The following CAPZA1 variants were observed in gnomAD, a reference collection of about 807,000 sequenced individuals.
CAPZA1 encodes F-actin-capping protein subunit alpha-1.
Under a neutral mutation model 40.8 loss-of-function variants are expected in CAPZA1, and 10 were observed. The observed-to-expected ratio is 0.25, with a 90% CI of 0.15 to 0.42. CAPZA1 has a LOEUF of 0.42. Among genes scored for constraint, CAPZA1 ranks in the 10% least tolerant of loss-of-function variants. CAPZA1 has a pLI of 1.00. For synonymous variants in CAPZA1, 98 were observed against 115.0 expected (o/e 0.85, Z 0.95); for missense variants, 277 against 353.8 (o/e 0.78, Z 1.74).
intron 7 of CAPZA1, 184 bp from the exon 8 acceptor site, chr1:112,666,884 TCTTAAA>T (rs1000568032): frequency 9.3e-6 from 5 of 539,060 alleles, no homozygotes; most frequent in East Asian, 6.1e-5. Flanking sequence ...GAAAAAGCGT[TCTTAAA>T]CTTAAGTGTT....
intron 1 of CAPZA1, among the ~76,000 whole-genome samples, chr1:112,630,543 C>T (rs537056391): frequency 6.6e-6 from 1 of 152,124 alleles, no homozygotes; most frequent in African/African-American, 2.4e-5. Flanking sequence ...CGGGGTTTCA[C>T]CATCTTGGCC....
chr1:112,622,297 G>A (rs1451708193), intron 1 of CAPZA1, among the ~76,000 whole-genome samples: 1 of 151,990 alleles, frequency 6.6e-6, no homozygotes, highest in East Asian at 1.9e-4. Flanking sequence ...TTTATAAAGA[G>A]GAAGTTGGGT....
chr1:112,633,164 A>G (rs1670953951), intron 1 of CAPZA1, among the ~76,000 whole-genome samples: 1 of 152,238 alleles, frequency 6.6e-6, no homozygotes, highest in African/African-American at 2.4e-5. Context: ...GTAGAGCACT[A>G]GAACTTATTT....
chr1:112,620,131 A>G (rs772936582), intron 1 of CAPZA1: 124 of 420,684 alleles, frequency 2.9e-4, no homozygotes, highest in Non-Finnish European at 4.5e-4. Flanking sequence ...GCCTCCCTGC[A>G]AGGGAACAGA....
intron 1 of CAPZA1, among the ~76,000 whole-genome samples, chr1:112,631,130 T>A (rs1670909357): frequency 6.6e-6 from 1 of 152,252 alleles, no homozygotes; most frequent in Admixed American, 6.5e-5. Flanking sequence ...GAACCACTGA[T>A]TTAAGGCAAA....
chr1:112,666,710 T>C (rs1442896575), intron 7 of CAPZA1, among the ~76,000 whole-genome samples: 1 of 152,220 alleles, frequency 6.6e-6, no homozygotes, highest in Non-Finnish European at 1.5e-5. Flanking sequence ...AATTCCTTGG[T>C]TTTCACAGAG....
chr1:112,643,080 T>A (rs1671208085), intron 1 of CAPZA1, among the ~76,000 whole-genome samples: 1 of 131,500 alleles, frequency 7.6e-6, no homozygotes, highest in Non-Finnish European at 1.6e-5. Flanking sequence ...TCCACAGATT[T>A]GTCACAAATA....
intron 1 of CAPZA1, among the ~76,000 whole-genome samples, chr1:112,631,078 G>A (rs1015302803): frequency 6.6e-6 from 1 of 152,170 alleles, no homozygotes; most frequent in Non-Finnish European, 1.5e-5. Flanking sequence ...TGTCAATATA[G>A]TTAAATCTTC....
chr1:112,640,662 C>G (rs558615143), intron 1 of CAPZA1, among the ~76,000 whole-genome samples: 5 of 152,156 alleles, frequency 3.3e-5, no homozygotes, highest in Non-Finnish European at 2.9e-5. Context: ...CTCTGCCCGG[C>G]CGCCCCTGCT....
In CAPZA1 at chr1:112,638,415, A is replaced by C. The variant is rs549056632; in HGVS notation, c.40-8795A>C. ...CTGCAACCTCCGTCTCCTGGGTTCA[A>C]GCAGTTCTCCTGCCTCAGCCTCCCG... On this transcript the variant is annotated intron_variant, in intron 1 of 9. Coordinates refer to ENST00000263168, the MANE Select transcript of CAPZA1 (RefSeq NM_006135.3). Among the ~76,000 whole-genome samples, 4 of 152,220 alleles carry C rather than the reference A, an allele frequency of 2.6e-5. No homozygotes were observed. The South Asian group carries it at 6.2e-4, about 24-fold the overall frequency.
chr1:112,648,558 C>T (rs1442561250), intron 2 of CAPZA1, among the ~76,000 whole-genome samples: 31 of 151,520 alleles, frequency 2.0e-4, no homozygotes, highest in Middle Eastern at 6.8e-3. Flanking sequence ...CCTCATGATC[C>T]GCCTGCCTCA....
chr1:112,644,184 C>CTTT lies in CAPZA1; in HGVS notation c.40-3004_40-3002dup, dbSNP rs60802838. On this transcript the variant is annotated intron_variant, in intron 1 of 9. Coordinates refer to ENST00000263168, the MANE Select transcript of CAPZA1 (RefSeq NM_006135.3). ...TTTTTTTCTAATTCTCTTCTCCCAG[C>CTTT]TTTTTTTTTTTTTTTTTTTTTTTTG... Among the ~76,000 whole-genome samples, 196 of 56,772 alleles carry CTTT rather than the reference C, an allele frequency of 3.5e-3. 32 individuals carry two copies. Among genetic ancestry groups the CTTT allele is most frequent in the African/African-American group, 0.014 (171 of 12,642 alleles). The allele number at this position is 56,772 out of a possible 152,430, so 37.2% of individuals were successfully genotyped here.
Position 112,640,743 on chromosome 1 carries a change from G to C in CAPZA1, c.40-6467G>C, listed in dbSNP as rs554106562. On this transcript the variant is annotated intron_variant, in intron 1 of 9. Coordinates refer to ENST00000263168, the MANE Select transcript of CAPZA1 (RefSeq NM_006135.3). The stretch of plus-strand genomic sequence containing the variant: ...GTGTGCCCAGCAGCTCATTGAGAAC[G>C]GGCCAGGATGACAATGGCGGCTTTG... 4.1e-3 allele frequency among the ~76,000 whole-genome samples: 623 copies of C among 152,348 alleles called. 3 individuals carry two copies. Among genetic ancestry groups the C allele is most frequent in the African/African-American group, 0.014 (601 of 41,588 alleles).
At chr1:112,659,610 C>A in intron 6 of CAPZA1, 91 bp from the exon 7 acceptor site, 1 of 899,578 alleles carries the variant, frequency 1.1e-6, no homozygotes, top group Non-Finnish European at 1.7e-6. Context: ...TTTTTTGCAC[C>A]CCTCTTTCCC....
rs1671815563 is a variant in CAPZA1 at position 112,670,827 on chromosome 1, T to C, written c.*695T>C. On this transcript the variant is annotated 3_prime_UTR_variant, in exon 10 of 10. Transcript: ENST00000263168. The stretch of plus-strand genomic sequence containing the variant: ...CCCTTCTCTCATTGTCTCCTTCCCA[T>C]CTTAGTACCATTGTAGTTATAAACA... The C allele has an allele frequency of 6.6e-6, 1 of 152,660 alleles. No homozygotes were observed. Among genetic ancestry groups the C allele is most frequent in the Non-Finnish European group, 1.5e-5 (1 of 68,038 alleles). 9.5% of individuals were successfully genotyped at this position (152,660 alleles called of 1,614,324 possible). A position where few individuals can be genotyped will look rare whatever the true frequency, so the allele number is the denominator to read the frequency against.
chr1:112,644,715 G>A (rs780995374), intron 1 of CAPZA1, among the ~76,000 whole-genome samples: 39 of 152,058 alleles, frequency 2.6e-4, no homozygotes, highest in Non-Finnish European at 4.0e-4. Flanking sequence ...AAATATTAGG[G>A]AATTTTCATC....
At chr1:112,647,130 ATT>A in intron 1 of CAPZA1, 78 bp from the exon 2 acceptor site, 1 of 681,056 alleles carries the variant, frequency 1.5e-6, no homozygotes, top group Non-Finnish European at 2.4e-6. Flanking sequence ...TATGATGAAA[ATT>A]TATAATTTGT....
In CAPZA1 at chr1:112,659,067, A is replaced by G. The variant is rs745515157; in HGVS notation, c.472A>G (p.Ile158Val). 5 of 1,613,566 alleles carry G rather than the reference A, an allele frequency of 3.1e-6. No homozygotes were observed. Among genetic ancestry groups the G allele is most frequent in the Non-Finnish European group, 4.2e-6 (5 of 1,179,618 alleles). ...IDGQQTIIACIESHQFQPKNF... is the reference protein window; with the variant it reads ...IDGQQTIIACVESHQFQPKNF... ...TGGGCAACAGACTATTATTGCATGTATTGAAAGCCACCAGTTTCAGCCTAA... is the reference window on the plus strand; with the variant it reads ...TGGGCAACAGACTATTATTGCATGTGTTGAAAGCCACCAGTTTCAGCCTAA... Residue 158 changes from isoleucine (I) to valine (V), a missense_variant, in exon 6 of 10, where the codon ATT becomes GTT. Around this residue, in one of 2 missense-constraint regions of CAPZA1, gnomAD observed 192 missense variants for 277.2 expected, o/e 0.69. Coordinates refer to ENST00000263168, the MANE Select transcript of CAPZA1 (RefSeq NM_006135.3).
chr1:112,640,507 T>C (rs1450610886), intron 1 of CAPZA1, among the ~76,000 whole-genome samples: 3 of 127,686 alleles, frequency 2.3e-5, no homozygotes, highest in Non-Finnish European at 4.9e-5. Flanking sequence ...CAGCCCCCCG[T>C]CCGGGAGGTG....
Sources: gnomAD v4.1 joint callset for allele counts (sites outside exome capture counted in the v4.1 genomes callset) on GRCh38, gnomAD v4.1.1 for gene constraint, gnomAD v4.1.1 regional missense constraint, MANE v1.5 for transcripts, NCBI Gene and HGNC (gene_info 2026-07-23, HGNC 2026-07-21) for gene names.